The following NCOA2 variants were observed in gnomAD, a reference collection of about 807,000 sequenced individuals.
NCOA2 encodes the protein class E basic helix-loop-helix protein 75.
NCOA2 carries 21 observed loss-of-function variants against 145.1 expected under a neutral mutation model. The observed-to-expected ratio is 0.14, with a 90% CI of 0.10 to 0.21. The LOEUF is 0.21. Among genes scored for constraint, NCOA2 ranks in the 10% least tolerant of loss-of-function variants. The pLI, the probability that NCOA2 is intolerant of heterozygous loss-of-function variation, is 1.00. For missense variants in NCOA2, 1,472 were observed against 1,837.6 expected (o/e 0.80, Z 3.64); for synonymous variants, 619 against 637.5 (o/e 0.97, Z 0.44).
intron 22 of NCOA2, among the ~76,000 whole-genome samples, chr8:70,118,718 T>A (rs1426840881): frequency 6.6e-6 from 1 of 151,584 alleles, no homozygotes; most frequent in Non-Finnish European, 1.5e-5. Context: ...GACAGAGTTT[T>A]GCTCTTGTCA....
chr8:70,447,809 T>C, the NCOA2 span, among the ~76,000 whole-genome samples: 75 of 151,306 alleles, frequency 5.0e-4, no homozygotes, highest in African/African-American at 1.6e-3. Context: ...CTCAGTCTCC[T>C]GAGTCGTTAG....
the NCOA2 span, among the ~76,000 whole-genome samples, chr8:70,440,732 GAGAA>G: frequency 1.6e-3 from 226 of 145,244 alleles, no homozygotes; most frequent in African/African-American, 5.0e-3. Flanking sequence ...GAGGGAGAGA[GAGAA>G]AGAAAGAAAA....
intron 1 of NCOA2, among the ~76,000 whole-genome samples, chr8:70,347,222 C>T (rs1808746580): frequency 6.6e-6 from 1 of 152,106 alleles, no homozygotes; most frequent in Admixed American, 6.5e-5. Context: ...CGGTGGCTCA[C>T]ACCTGTAATA....
At chr8:70,123,785 G>A (rs1320027689) in intron 21 of NCOA2, 99 bp downstream of exon 21, 2 of 965,702 alleles carry the variant, frequency 2.1e-6, no homozygotes, top group Non-Finnish European at 1.5e-6. Flanking sequence ...TGTGGGAGTT[G>A]GTGGCTAAAG....
rs369349334 is a variant in NCOA2, at chr8:70,174,798, C to T, written c.321G>A (p.Gln107=). 1.2e-6 allele frequency: 2 copies of T among 1,613,756 alleles called. No individual in the cohort carries two copies. Among genetic ancestry groups the T allele is most frequent in the Admixed American group, 3.3e-5 (2 of 60,018 alleles). Residue 107 remains glutamine, a synonymous_variant, in exon 5 of 23, where the codon CAG becomes CAA. Coordinates refer to ENST00000452400, the MANE Select transcript of NCOA2 (RefSeq NM_006540.4). The part of the protein sequence containing the change: ...VQKSDVSSTG[Q]GVIDKDALGP... ...CCAGCGCATCCTTGTCGATGACACCCTGCCCTGTAGAGGATACATCTGACT... is the reference window on the plus strand; with the variant it reads ...CCAGCGCATCCTTGTCGATGACACCTTGCCCTGTAGAGGATACATCTGACT...
At chr8:70,194,868 C>T (rs570018628) in intron 4 of NCOA2, among the ~76,000 whole-genome samples, 10 of 152,254 alleles carry the variant, frequency 6.6e-5, no homozygotes, top group Non-Finnish European at 1.5e-4. Context: ...AAATGGCAGA[C>T]AAAGCCAAGA....
chr8:70,403,849 CT>C, upstream of NCOA2: 1 of 309,068 alleles, frequency 3.2e-6, no homozygotes, highest in Non-Finnish European at 6.0e-6. Context: ...CCCCAACTCC[CT>C]CCTCCTCCTC....
intron 2 of NCOA2, among the ~76,000 whole-genome samples, chr8:70,223,129 C>T (rs186668199): frequency 1.3e-4 from 20 of 152,268 alleles, no homozygotes; most frequent in African/African-American, 4.6e-4. Context: ...TACTCAGTGT[C>T]TTTTTATTAT....
intron 1 of NCOA2, among the ~76,000 whole-genome samples, chr8:70,379,698 A>C (rs1462015113): frequency 1.3e-5 from 2 of 152,182 alleles, no homozygotes; most frequent in Non-Finnish European, 2.9e-5. Context: ...TTACATATTA[A>C]GATAAGTAGC....
rs1277003669 is a variant in NCOA2 at position 70,296,809 on chromosome 8, TAAAC to T, written c.-76-13_-76-10del. 9.9e-5 allele frequency: 15 copies of T among 152,130 alleles called. No individual in the cohort carries two copies. The highest frequency in any genetic ancestry group is 1.9e-4 in the African/African-American group (8 of 41,450). The allele number at this position is 152,130 out of a possible 1,614,324, so 9.4% of individuals were successfully genotyped here. A position where few individuals can be genotyped will look rare whatever the true frequency, so the allele number is the denominator to read the frequency against. On this transcript the variant is annotated splice_polypyrimidine_tract_variant and intron_variant, in intron 1 of 22. Coordinates refer to ENST00000452400, the MANE Select transcript of NCOA2 (RefSeq NM_006540.4). Reference sequence around the variant, plus strand: ...CCAAATCCAAGAGAAATCTGTAATATAAACAAACAAATAAACGTGAATAAAATCT... The same window carrying T: ...CCAAATCCAAGAGAAATCTGTAATATAAACAAATAAACGTGAATAAAATCT...
At chr8:70,222,546 G>GT (rs1820244971) in intron 2 of NCOA2, among the ~76,000 whole-genome samples, 1 of 152,170 alleles carries the variant, frequency 6.6e-6, no homozygotes, top group Non-Finnish European at 1.5e-5. Context: ...ATATTAGACA[G>GT]TAACTAGAAG....
intron 1 of NCOA2, among the ~76,000 whole-genome samples, chr8:70,397,329 G>A (rs1024630002): frequency 1.3e-5 from 2 of 151,802 alleles, no homozygotes; most frequent in African/African-American, 2.4e-5. Flanking sequence ...GACATGTGAC[G>A]GCAGTCCCAA....
chr8:70,420,183 G>T, the NCOA2 span, among the ~76,000 whole-genome samples: 1 of 152,246 alleles, frequency 6.6e-6, no homozygotes, highest in East Asian at 1.9e-4. Flanking sequence ...CCATGGTCTT[G>T]TTCAAAAAAT....
chr8:70,299,334 T>C (rs1827321016), intron 1 of NCOA2, among the ~76,000 whole-genome samples: 1 of 152,174 alleles, frequency 6.6e-6, no homozygotes, highest in Admixed American at 6.5e-5. Flanking sequence ...CCTCTAAGAA[T>C]GTGTTTCAAG....
chr8:70,278,492 G>A (rs1337387488), intron 2 of NCOA2, among the ~76,000 whole-genome samples: 2 of 152,084 alleles, frequency 1.3e-5, no homozygotes, highest in Non-Finnish European at 2.9e-5. Context: ...TGTAAGACCT[G>A]GGGTGACTCC....
intron 13 of NCOA2, among the ~76,000 whole-genome samples, chr8:70,144,377 G>A (rs1810789224): frequency 6.6e-6 from 1 of 152,078 alleles, no homozygotes; most frequent in South Asian, 2.1e-4. Flanking sequence ...ACAGTAACTG[G>A]GATAGAAGTG....
chr8:70,274,841 G>A (rs193220210), intron 2 of NCOA2, among the ~76,000 whole-genome samples: 4 of 151,996 alleles, frequency 2.6e-5, no homozygotes, highest in South Asian at 2.1e-4. Context: ...CAATCTCATC[G>A]CTACTCGTGA....
intron 2 of NCOA2, among the ~76,000 whole-genome samples, chr8:70,217,968 GAA>G (rs112811456): frequency 7.5e-6 from 1 of 133,330 alleles, no homozygotes; most frequent in African/African-American, 2.7e-5. Context: ...TTTCTGGATA[GAA>G]AAAAAAAAAA....
intron 11 of NCOA2, among the ~76,000 whole-genome samples, chr8:70,150,682 A>G (rs751869439): frequency 1.5e-4 from 23 of 152,214 alleles, no homozygotes; most frequent in Non-Finnish European, 2.4e-4. Flanking sequence ...ACTCCACTGT[A>G]ATCTTCTTTA....
Sources: gnomAD v4.1 joint callset for allele counts (sites outside exome capture counted in the v4.1 genomes callset) on GRCh38, gnomAD v4.1.1 for gene constraint, MANE v1.5 for transcripts, NCBI Gene and HGNC (gene_info 2026-07-23, HGNC 2026-07-21) for gene names.